Variants in IKBKE observed in about 807,000 individuals in gnomAD.
IKBKE encodes the protein inhibitor of nuclear factor kappa-B kinase subunit epsilon.
Under a neutral mutation model 92.1 loss-of-function variants are expected in IKBKE, and 45 were observed. The ratio of observed to expected loss-of-function variants is 0.49; its 90% CI spans 0.38 to 0.63. The LOEUF (loss-of-function observed/expected upper bound fraction) is 0.63. Among genes scored for constraint, IKBKE ranks in the 20% least tolerant of loss-of-function variants. IKBKE has a pLI of 0.00. For missense variants in IKBKE, 700 were observed against 932.8 expected (o/e 0.75, Z 3.25); for synonymous variants, 374 against 380.3 (o/e 0.98, Z 0.19).
chr1:206,474,422 G>A lies in IKBKE; in HGVS notation c.179G>A (p.Arg60Gln), dbSNP rs782640857. Residue 60 changes from arginine to glutamine, a missense_variant, in exon 4 of 22, where the codon CGG becomes CAG. Coordinates refer to ENST00000581977, the MANE Select transcript of IKBKE (RefSeq NM_014002.4). ...CAGGTGAGGGAGTTTGAGGTCCTGC[G>A]GAAGCTGAACCACCAGAACATTGTC... ...EVQVREFEVL[R>Q]KLNHQNIVKL... 44 of 1,613,954 alleles carry A rather than the reference G, an allele frequency of 2.7e-5. No homozygotes were observed. The highest frequency in any genetic ancestry group is 1.1e-4 in the South Asian group (10 of 91,084).
At chr1:206,496,060 C>G in intron 21 of IKBKE, 52 bp from the exon 22 acceptor site, 1 of 1,474,954 alleles carries the variant, frequency 6.8e-7, no homozygotes, top group Non-Finnish European at 9.5e-7. Context: ...GGAGTGTGGT[C>G]TGCAGGCCTC....
Position 206,490,743 on chromosome 1 carries a change from T to C in IKBKE, c.1694-76T>C, listed in dbSNP as rs538408020. 31 of 1,466,820 alleles carry C rather than the reference T, an allele frequency of 2.1e-5. No individual in the cohort carries two copies. In the East Asian group the frequency reaches 6.6e-4, roughly 31 times the overall value. 90.9% of individuals were successfully genotyped at this position (1,466,820 alleles called of 1,614,324 possible). On this transcript the variant is annotated intron_variant, in intron 16 of 21. Coordinates refer to ENST00000581977, the MANE Select transcript of IKBKE (RefSeq NM_014002.4). This position sits in a 1 kb window ranked among gnomAD's most constrained non-coding sequence, Gnocchi z 5.2. Reference sequence around the variant, plus strand: ...GGCTGGGCCGTCTTCATCTTTTAACTGTCTCTCGACCTTTGCTGCACACTG... The same window carrying C: ...GGCTGGGCCGTCTTCATCTTTTAACCGTCTCTCGACCTTTGCTGCACACTG...
intron 13 of IKBKE, among the ~76,000 whole-genome samples, chr1:206,484,485 C>A (rs1665553110): frequency 6.6e-6 from 1 of 152,174 alleles, no homozygotes; most frequent in Non-Finnish European, 1.5e-5. Context: ...CAAATGCCCA[C>A]CCCATTATCA....
At chr1:206,477,725 C>T in intron 7 of IKBKE, 24 bp from the exon 8 acceptor site, 1 of 1,445,266 alleles carries the variant, frequency 6.9e-7, no homozygotes, top group South Asian at 1.2e-5. Flanking sequence ...GGGGATCCCG[C>T]TGACCTGGCC....
intron 21 of IKBKE, among the ~76,000 whole-genome samples, chr1:206,495,396 G>A (rs1369634415): frequency 6.6e-6 from 1 of 152,308 alleles, no homozygotes; most frequent in Non-Finnish European, 1.5e-5. Context: ...CGCATAGGGG[G>A]GTGTGGAGGG....
At chr1:206,475,990 T>C (rs782592085) in intron 5 of IKBKE, among the ~76,000 whole-genome samples, 191 bp from the exon 6 acceptor site, 4 of 152,032 alleles carry the variant, frequency 2.6e-5, no homozygotes, top group Non-Finnish European at 5.9e-5. Context: ...GGTACCTCCA[T>C]ACCCTAGTGT....
Position 206,478,332 on chromosome 1 carries a change from C to T in IKBKE, c.985C>T (p.His329Tyr). 1.2e-6 allele frequency: 2 copies of T among 1,613,184 alleles called. No homozygotes were observed. Among genetic ancestry groups the T allele is most frequent in the Non-Finnish European group, 1.7e-6 (2 of 1,179,992 alleles). ...CCTGCACCACATCTATATCCATGCCCACAACACGTAAGTGGGGGCGAGGGA... is the reference window on the plus strand; with the variant it reads ...CCTGCACCACATCTATATCCATGCCTACAACACGTAAGTGGGGGCGAGGGA... ...AVLHHIYIHA[H>Y]NTIAIFQEAV... is the part of the protein sequence containing the mutation. Residue 329 changes from histidine (H) to tyrosine (Y), a missense_variant, in exon 9 of 22, where the codon CAC (histidine) becomes TAC (tyrosine). Coordinates refer to ENST00000581977, the MANE Select transcript of IKBKE (RefSeq NM_014002.4). The surrounding 1 kb of genome is among the most constrained non-coding windows in gnomAD (Gnocchi z 4.8).
At position 206,476,063 on chromosome 1, in the gene IKBKE, C is replaced by A; in HGVS notation, c.359-118C>A. ...CCTTCTGCCTGTCCCATGGCTCTGTCAGCCCATGGGAACTCCTGTCTCTCT... is the reference window on the plus strand; with the variant it reads ...CCTTCTGCCTGTCCCATGGCTCTGTAAGCCCATGGGAACTCCTGTCTCTCT... On this transcript the variant is annotated intron_variant, in intron 5 of 21. Transcript: ENST00000581977. The surrounding 1 kb of genome is among the most constrained non-coding windows in gnomAD (Gnocchi z 5.1). 1 of 909,890 alleles carries A rather than the reference C, an allele frequency of 1.1e-6. No homozygotes were observed. The highest frequency in any genetic ancestry group is 1.7e-6 in the Non-Finnish European group (1 of 580,218). 56.4% of individuals were successfully genotyped at this position (909,890 alleles called of 1,614,324 possible).
At chr1:206,480,340 G>T in intron 12 of IKBKE, 107 bp from the exon 13 acceptor site, 1 of 969,512 alleles carries the variant, frequency 1.0e-6, no homozygotes, top group South Asian at 1.4e-5. Flanking sequence ...GCAGGCCAGA[G>T]GGGGAGGCCG....
intron 7 of IKBKE, 124 bp from the exon 8 acceptor site, chr1:206,477,621 CATCT>C: frequency 1.6e-6 from 1 of 620,950 alleles, no homozygotes; most frequent in Non-Finnish European, 2.9e-6. Context: ...TCTCACACTC[CATCT>C]GTCAGGCTAC....
At chr1:206,492,911 C>T in intron 18 of IKBKE, 112 bp from the exon 19 acceptor site, 1 of 907,146 alleles carries the variant, frequency 1.1e-6, no homozygotes, top group South Asian at 1.4e-5. Flanking sequence ...GCGAGGGAGG[C>T]AAATACCCGG....
intron 16 of IKBKE, among the ~76,000 whole-genome samples, chr1:206,488,686 C>T (rs1027443866): frequency 7.2e-5 from 11 of 152,166 alleles, no homozygotes; most frequent in African/African-American, 2.7e-4. Context: ...CCTCCTCTCC[C>T]AGGCCCCAAG....
chr1:206,470,853 G>A (rs1352992799), intron 1 of IKBKE, among the ~76,000 whole-genome samples, 155 bp downstream of exon 1: 1 of 152,134 alleles, frequency 6.6e-6, no homozygotes, highest in Admixed American at 6.5e-5. Flanking sequence ...GAGCCACCAC[G>A]GGCCAACCAC....
Position 206,485,089 on chromosome 1 carries a change from G to A in IKBKE, c.1503+17G>A. On this transcript the variant is annotated intron_variant, in intron 14 of 21. Transcript: ENST00000581977. This position sits in a 1 kb window ranked among gnomAD's most constrained non-coding sequence, Gnocchi z 5.0. Reference sequence around the variant, plus strand: ...CTGCGGACTGTGAGTGAGGCTGGAGGGCAAGGGCTTAGCAGGATCAGAGCT... The same window carrying A: ...CTGCGGACTGTGAGTGAGGCTGGAGAGCAAGGGCTTAGCAGGATCAGAGCT... 1 of 1,611,744 alleles carries A rather than the reference G, an allele frequency of 6.2e-7. No homozygotes were observed. Among genetic ancestry groups the A allele is most frequent in the Non-Finnish European group, 8.5e-7 (1 of 1,177,828 alleles).
Position 206,478,483 on chromosome 1 carries a change from T to G in IKBKE, c.992+144T>G, listed in dbSNP as rs1665193205. The G allele has an allele frequency of 2.4e-6, 2 of 840,480 alleles. 1 individual carries two copies. The highest frequency in any genetic ancestry group is 4.5e-5 in the Admixed American group (2 of 44,608). 52.1% of individuals were successfully genotyped at this position (840,480 alleles called of 1,614,324 possible). ...GGTCCAAACGTAGTTGGGAAAAGACTAGTTCTACAAAGTTAAAGCTAAACA... is the reference window on the plus strand; with the variant it reads ...GGTCCAAACGTAGTTGGGAAAAGACGAGTTCTACAAAGTTAAAGCTAAACA... On this transcript the variant is annotated intron_variant, in intron 9 of 21. Transcript: ENST00000581977. This position sits in a 1 kb window ranked among gnomAD's most constrained non-coding sequence, Gnocchi z 4.8.
intron 3 of IKBKE, among the ~76,000 whole-genome samples, chr1:206,473,533 G>C (rs1664891252): frequency 6.6e-6 from 1 of 152,232 alleles, no homozygotes; most frequent in Admixed American, 6.5e-5. Context: ...TGGAGCAAGA[G>C]AACTGTGAAG....
In IKBKE at chr1:206,485,251, A is replaced by G. The variant is rs1303882419; in HGVS notation, c.1561A>G (p.Ser521Gly). The G allele has an allele frequency of 6.2e-7, 1 of 1,613,930 alleles. No homozygotes were observed. The highest frequency in any genetic ancestry group is 8.5e-7 in the Non-Finnish European group (1 of 1,179,892). The stretch of plus-strand genomic sequence containing the variant: ...TATCACGGAGACCCAGGAGAGCCTG[A>G]GCAGCCTGAACCGGGAGCTGGTGAA... ...QNITETQESL[S>G]SLNRELVKSR... The change falls in exon 15 of 22, where the codon AGC (serine) becomes GGC (glycine). Residue 521 changes from serine to glycine, a missense_variant. Physicochemically the swap from Ser to Gly is moderately conservative, Grantham distance 56 (BLOSUM62 0). Transcript: ENST00000581977. This position sits in a 1 kb window ranked among gnomAD's most constrained non-coding sequence, Gnocchi z 5.0.
In IKBKE at chr1:206,476,479, C is replaced by A; in HGVS notation, c.540+117C>A. 8.4e-7 allele frequency: 1 copy of A among 1,192,128 alleles called. No individual in the cohort carries two copies. Among genetic ancestry groups the A allele is most frequent in the South Asian group, 1.4e-5 (1 of 70,330 alleles). The allele number at this position is 1,192,128 out of a possible 1,614,324, so 73.8% of individuals were successfully genotyped here. Reference sequence around the variant, plus strand: ...CCTCCTGCTTCCACAGGAGTTATGTCTCTCCCCTGTACCCCAACCAGAAGA... The same window carrying A: ...CCTCCTGCTTCCACAGGAGTTATGTATCTCCCCTGTACCCCAACCAGAAGA... On this transcript the variant is annotated intron_variant, in intron 6 of 21. Transcript: ENST00000581977. This position sits in a 1 kb window ranked among gnomAD's most constrained non-coding sequence, Gnocchi z 5.1.
rs781966344 is a variant in IKBKE, at chr1:206,479,060, C to T, written c.1110C>T (p.Ile370=). The change falls in exon 10 of 22, where the codon ATC becomes ATT. Residue 370 remains isoleucine (I), a synonymous_variant. Coordinates refer to ENST00000581977, the MANE Select transcript of IKBKE (RefSeq NM_014002.4). ...AGCCCAGCGTCTCAGCACAGCACAT[C>T]GCCCACACGACGGCAAGCAGCCCCC... is the stretch of plus-strand genomic sequence containing the variant. The part of the protein sequence containing the change: ...VLEPSVSAQH[I]AHTTASSPLT... 2.4e-5 allele frequency: 39 copies of T among 1,613,826 alleles called. No homozygotes were observed. Among genetic ancestry groups the T allele is most frequent in the Admixed American group, 3.3e-5 (2 of 59,998 alleles).
Sources: allele counts gnomAD v4.1 joint callset (sites outside exome capture counted in the v4.1 genomes callset), GRCh38; gene constraint gnomAD v4.1.1; non-coding constraint Gnocchi (gnomAD v3.1); transcripts MANE v1.5; gene names NCBI Gene and HGNC (gene_info 2026-07-23, HGNC 2026-07-21).